Variants in NOS3 observed in about 807,000 individuals in gnomAD.
The protein encoded by NOS3 is nitric oxide synthase 3.
In NOS3, 98 loss-of-function variants were observed where a neutral mutation model predicts 144.9. The observed-to-expected ratio is 0.68, with a 90% CI of 0.57 to 0.80. NOS3 has a LOEUF of 0.80. Among genes scored for constraint, NOS3 ranks in the 30% least tolerant of loss-of-function variants. The probability of loss-of-function intolerance (pLI) is 0.00; values close to 1 mark genes in which losing one functional copy is unlikely to be tolerated. For synonymous variants in NOS3, 714 were observed against 702.4 expected (o/e 1.02, Z -0.26); for missense variants, 1,465 against 1,656.4 (o/e 0.88, Z 2.01).
In NOS3 at chr7:150,996,507, G is replaced by T. The variant is rs772889860; in HGVS notation, c.374G>T (p.Ser125Ile). The T allele has an allele frequency of 1.2e-6, 2 of 1,606,558 alleles. No homozygotes were observed. The highest frequency in any genetic ancestry group is 1.4e-5 in the African/African-American group (1 of 73,228). ...PGPPAPEQLL[S>I]QARDFINQYY... ...CCCCCGGCCCCTGAGCAGCTGCTGA[G>T]TCAGGCCCGGGACTTCATCAACCAG... Residue 125 changes from serine to isoleucine, a missense_variant, in exon 4 of 27, where the codon AGT (serine) becomes ATT (isoleucine). Coordinates refer to ENST00000297494, the MANE Select transcript of NOS3 (RefSeq NM_000603.5).
In NOS3 at chr7:151,010,600, C is replaced by T; in HGVS notation, c.2689C>T (p.Pro897Ser). The T allele has an allele frequency of 1.3e-6, 2 of 1,585,550 alleles. No homozygotes were observed. The highest frequency in any genetic ancestry group is 1.7e-6 in the Non-Finnish European group (2 of 1,165,206). ...CCACTGCATCCTGCCCCGCCAGGAT[C>T]CCCGACGCTACGAGGAGTGGAAGTG... is the stretch of plus-strand genomic sequence containing the variant. ...QQELEALSQDPRRYEEWKWFR... is the reference protein window; with the variant it reads ...QQELEALSQDSRRYEEWKWFR... The change falls in exon 22 of 27, where the codon CCC becomes TCC. Residue 897 changes from proline (P) to serine (S), a missense_variant. Physicochemically the swap from Pro to Ser is moderately conservative, Grantham distance 74. This residue lies in a region of NOS3 where 745 missense variants were observed against 853.9 expected (regional missense o/e 0.87). Transcript: ENST00000297494.
At chr7:150,997,378 G>A (rs1300119793) in intron 5 of NOS3, among the ~76,000 whole-genome samples, 3 of 152,082 alleles carry the variant, frequency 2.0e-5, no homozygotes, top group Non-Finnish European at 2.9e-5. Flanking sequence ...CCTGGCTGCT[G>A]CTTCTCCCCC....
intron 24 of NOS3, 97 bp downstream of exon 24, chr7:151,012,569 G>A: frequency 7.0e-7 from 1 of 1,423,106 alleles, no homozygotes; most frequent in Middle Eastern, 1.8e-4. Context: ...GAGAGGGCAG[G>A]AAACAAAGTC....
intron 9 of NOS3, among the ~76,000 whole-genome samples, chr7:151,000,247 A>G (rs898594705): frequency 3.9e-5 from 6 of 151,948 alleles, no homozygotes; most frequent in Admixed American, 6.6e-5. Flanking sequence ...TGACTCGGCA[A>G]AGGTTAAGAC....
In NOS3 at chr7:151,008,943, CCTT is replaced by C; in HGVS notation, c.2129_2131del (p.Phe710del). 3 of 1,609,806 alleles carry C rather than the reference CCTT, an allele frequency of 1.9e-6. No homozygotes were observed. Among genetic ancestry groups the C allele is most frequent in the Non-Finnish European group, 2.5e-6 (3 of 1,178,784 alleles). Reference sequence around the variant, plus strand: ...CCTGTCCCGCAGGCCGCCTGTGAGACCTTCTGTGTGGGAGAGGATGCCAAGGCC... The same window carrying C: ...CCTGTCCCGCAGGCCGCCTGTGAGACCTGTGTGGGAGAGGATGCCAAGGCC... On this transcript the variant is annotated inframe_deletion, in exon 18 of 27. Coordinates refer to ENST00000297494, the MANE Select transcript of NOS3 (RefSeq NM_000603.5).
intron 23 of NOS3, chr7:151,012,119 C>CA: frequency 4.1e-6 from 2 of 484,344 alleles, no homozygotes; most frequent in Non-Finnish European, 7.5e-6. Context: ...TCCCCTGAGT[C>CA]ATCTAAGTAT....
chr7:150,998,830 C>G lies in NOS3; in HGVS notation c.817-116C>G. On this transcript the variant is annotated intron_variant, in intron 7 of 26. Transcript: ENST00000297494. This position sits in a 1 kb window ranked among gnomAD's most constrained non-coding sequence, Gnocchi z 5.0. ...CAAAGGAGGGGTGCCTGGGTGGTCA[C>G]GGAGACCCAGCCAATGAGGGACCCT... 6.8e-7 allele frequency: 1 copy of G among 1,470,084 alleles called. No individual in the cohort carries two copies. The highest frequency in any genetic ancestry group is 2.4e-5 in the East Asian group (1 of 42,118). 91.1% of individuals were successfully genotyped at this position (1,470,084 alleles called of 1,614,324 possible).
At chr7:151,004,345 T>C (rs978939572) in intron 14 of NOS3, among the ~76,000 whole-genome samples, 4 of 152,074 alleles carry the variant, frequency 2.6e-5, no homozygotes, top group East Asian at 1.9e-4. Context: ...TAAAATAAAA[T>C]ACAAATAAAT....
At position 151,013,888 on chromosome 7, in the gene NOS3, C is replaced by T. The variant is rs758026328; in HGVS notation, c.3420C>T (p.Asp1140=). ...CGACGGAGGGCGACATGGAGCTGGA[C>T]GAGGCCGGCGACGTCATCGGCGTGC... ...ILATEGDMEL[D]EAGDVIGVLR... The change falls in exon 26 of 27, where the codon GAC becomes GAT. Residue 1140 remains aspartate (D), a synonymous_variant. Transcript: ENST00000297494. 1 of 1,600,176 alleles carries T rather than the reference C, an allele frequency of 6.2e-7. No homozygotes were observed.
Position 150,996,473 on chromosome 7 carries a change from T to TCCCCCGGCCCCCCGGCCCC in NOS3, c.341_359dup (p.Glu121ProfsTer7). 2 of 1,588,366 alleles carry TCCCCCGGCCCCCCGGCCCC rather than the reference T, an allele frequency of 1.3e-6. No homozygotes were observed. The highest frequency in any genetic ancestry group is 1.7e-6 in the Non-Finnish European group (2 of 1,168,644). On this transcript the variant is annotated frameshift_variant, in exon 4 of 27. Coordinates refer to ENST00000297494, the MANE Select transcript of NOS3 (RefSeq NM_000603.5). LOFTEE classifies it high-confidence loss of function. ...TCCACGGAAACTACAGGGCCGGCCC[T>TCCCCCGGCCCCCCGGCCCC]CCCCCGGCCCCCCGGCCCCTGAGCA...
chr7:150,992,500 T>C (rs1259214655), intron 1 of NOS3, among the ~76,000 whole-genome samples: 1 of 152,118 alleles, frequency 6.6e-6, no homozygotes, highest in African/African-American at 2.4e-5. Context: ...GGCACACTAG[T>C]GTCCAGGAGC....
Position 151,003,550 on chromosome 7 carries a change from TA to T in NOS3, c.1752+1249del. On this transcript the variant is annotated intron_variant, in intron 14 of 26. Coordinates refer to ENST00000297494, the MANE Select transcript of NOS3 (RefSeq NM_000603.5). This position sits in a 1 kb window ranked among gnomAD's most constrained non-coding sequence, Gnocchi z 4.1. Reference sequence around the variant, plus strand: ...ACCAGCAATTGACTTTTTTTTAGCATAAAGGTGTATAGACACCCATATAACC... The same window carrying T: ...ACCAGCAATTGACTTTTTTTTAGCATAAGGTGTATAGACACCCATATAACC... 7.8e-7 allele frequency: 1 copy of T among 1,287,974 alleles called. No individual in the cohort carries two copies. The highest frequency in any genetic ancestry group is 1.0e-6 in the Non-Finnish European group (1 of 979,158). The allele number at this position is 1,287,974 out of a possible 1,614,324, so 79.8% of individuals were successfully genotyped here. A position where few individuals can be genotyped will look rare whatever the true frequency, so the allele number is the denominator to read the frequency against.
At chr7:151,007,352 G>C (rs990044500) in intron 17 of NOS3, 76 bp downstream of exon 17, 155 of 1,446,606 alleles carry the variant, frequency 1.1e-4, no homozygotes, top group Middle Eastern at 2.3e-4. Context: ...CCCTGATTCT[G>C]TTTGGTTCTT....
Position 150,995,214 on chromosome 7 carries a change from C to T in NOS3, c.170C>T (p.Ser57Phe), listed in dbSNP as rs1231553866. ...CTGGCTCCCAACAGCCCCCCGAGCT[C>T]CCCGCTAACCCAGCCCCCAGAGGGG... ...PPAPEHSPPS[S>F]PLTQPPEGPK... Residue 57 changes from serine to phenylalanine, a missense_variant, in exon 3 of 27, where the codon TCC becomes TTC. By Grantham distance (155) the Ser-to-Phe change is radical. Around this residue, in one of 5 missense-constraint regions of NOS3, gnomAD observed 374 missense variants for 377.0 expected, o/e 0.99. Transcript: ENST00000297494. The T allele has an allele frequency of 1.2e-6, 2 of 1,606,194 alleles. No homozygotes were observed. The highest frequency in any genetic ancestry group is 1.7e-6 in the Non-Finnish European group (2 of 1,174,640).
rs41508746 is a variant in NOS3, at chr7:150,999,347, C to G, written c.1114C>G (p.Arg372Gly). 6.3e-7 allele frequency: 1 copy of G among 1,586,332 alleles called. No individual in the cohort carries two copies. Among genetic ancestry groups the G allele is most frequent in the Non-Finnish European group, 8.6e-7 (1 of 1,165,138 alleles). The change falls in exon 9 of 27, where the codon CGC becomes GGC. Residue 372 changes from arginine (R) to glycine (G), a missense_variant. Arg to Gly is a moderately radical substitution (Grantham distance 125). Around this residue, in one of 5 missense-constraint regions of NOS3, gnomAD observed 745 missense variants for 853.9 expected, o/e 0.87. Transcript: ENST00000297494. ...CACGAGGAACCTGTGTGACCCTCAC[C>G]GCTACAACATCCTGGAGGTGAGGTG... is the stretch of plus-strand genomic sequence containing the variant. ...IGTRNLCDPH[R>G]YNILEDVAVC...
rs1343184204 is a variant in NOS3, at chr7:150,993,058, T to C, written c.-51-695T>C. On this transcript the variant is annotated intron_variant, in intron 1 of 26. Transcript: ENST00000297494. This position sits in a 1 kb window ranked among gnomAD's most constrained non-coding sequence, Gnocchi z 4.0. ...GCCCCGGGAAGCGTGCGTCACTGAA[T>C]GACAGGGTGGGGGTGGAGGCACTGG... is the stretch of plus-strand genomic sequence containing the variant. 6.6e-6 allele frequency among the ~76,000 whole-genome samples: 1 copy of C among 152,132 alleles called. No homozygotes were observed. The highest frequency in any genetic ancestry group is 1.5e-5 in the Non-Finnish European group (1 of 68,028).
intron 14 of NOS3, among the ~76,000 whole-genome samples, chr7:151,005,990 C>T (rs1321661171): frequency 6.6e-6 from 1 of 152,168 alleles, no homozygotes; most frequent in Admixed American, 6.5e-5. Context: ...CCACTGCACC[C>T]CAACCTGGGC....
In NOS3 at chr7:151,014,489, G is replaced by A. The variant is rs1795399517; in HGVS notation, c.*320G>A. On this transcript the variant is annotated 3_prime_UTR_variant, in exon 27 of 27. Transcript: ENST00000297494. ...TGCCTCTCTCAGGAGTATCTTACCT[G>A]TAAAGTCTAATCTCTAAATCAAGTA... is the stretch of plus-strand genomic sequence containing the variant. 5.7e-6 allele frequency: 2 copies of A among 351,468 alleles called. No individual in the cohort carries two copies. The highest frequency in any genetic ancestry group is 4.3e-5 in the Admixed American group (1 of 23,292). 21.8% of individuals were successfully genotyped at this position (351,468 alleles called of 1,614,324 possible).
At chr7:151,012,903 A>G (rs942361455) in intron 24 of NOS3, 5 of 391,390 alleles carry the variant, frequency 1.3e-5, no homozygotes, top group African/African-American at 1.0e-4. Context: ...AGTTATAAGT[A>G]TGGGAGAATA....
Sources: allele counts gnomAD v4.1 joint callset (sites outside exome capture counted in the v4.1 genomes callset), GRCh38; gene constraint gnomAD v4.1.1; regional missense constraint gnomAD v4.1.1; non-coding constraint Gnocchi (gnomAD v3.1); transcripts MANE v1.5; gene names NCBI Gene and HGNC (gene_info 2026-07-23, HGNC 2026-07-21).